KCNQ1: variants seen among roughly 807,000 people sequenced by gnomAD.
KCNQ1 encodes the protein potassium voltage-gated channel subfamily KQT member 1.
Under a neutral mutation model 72.4 loss-of-function variants are expected in KCNQ1, and 49 were observed. The ratio of observed to expected loss-of-function variants is 0.68; its 90% confidence interval spans 0.54 to 0.86. The LOEUF is 0.86. KCNQ1 is among the 40% of genes least tolerant of loss of function. The pLI is 0.00. For synonymous variants in KCNQ1, 450 were observed against 412.6 expected (o/e 1.09, Z -1.10); for missense variants, 790 against 945.1 (o/e 0.84, Z 2.15).
intron 15 of KCNQ1, among the ~76,000 whole-genome samples, chr11:2,825,345 C>T (rs941650248): frequency 1.3e-5 from 2 of 152,222 alleles, no homozygotes; most frequent in African/African-American, 2.4e-5. Context: ...TCCGAGCCCT[C>T]AGCCTGCTCA....
At chr11:2,539,707 G>A (rs956239845) in intron 2 of KCNQ1, among the ~76,000 whole-genome samples, 1 of 152,230 alleles carries the variant, frequency 6.6e-6, no homozygotes, top group Non-Finnish European at 1.5e-5. Flanking sequence ...ACAAAAGTCA[G>A]ACCTTGGTGG....
chr11:2,619,649 C>T (rs929585881), intron 10 of KCNQ1: 3 of 396,878 alleles, frequency 7.6e-6, no homozygotes, highest in African/African-American at 2.1e-5. Context: ...GCCTTTGGCT[C>T]ACCTGGGTAT....
At chr11:2,534,836 G>C (rs932398754) in intron 2 of KCNQ1, among the ~76,000 whole-genome samples, 7 of 152,248 alleles carry the variant, frequency 4.6e-5, no homozygotes, top group African/African-American at 1.4e-4. Flanking sequence ...TCTTTATTAA[G>C]CACCTACTGT....
chr11:2,452,986 C>A (rs1042499607), intron 1 of KCNQ1, among the ~76,000 whole-genome samples: 1 of 152,154 alleles, frequency 6.6e-6, no homozygotes, highest in Non-Finnish European at 1.5e-5. Flanking sequence ...CTAAAGAAAG[C>A]GCCTGGAATT....
At chr11:2,649,553 C>G (rs559117888) in intron 10 of KCNQ1, 1 of 398,530 alleles carries the variant, frequency 2.5e-6, no homozygotes, top group South Asian at 1.3e-4. Flanking sequence ...TGAAGGATAG[C>G]TTTGCTGGGT....
chr11:2,697,458 T>C (rs1850697022), intron 11 of KCNQ1: 1 of 398,500 alleles, frequency 2.5e-6, no homozygotes, highest in Non-Finnish European at 4.4e-6. Context: ...GATACACTTT[T>C]AATTTCTCTA....
chr11:2,449,867 C>T lies in KCNQ1; in HGVS notation c.386+4383C>T, dbSNP rs148128133. Among the ~76,000 whole-genome samples, 936 of 152,294 alleles carry T rather than the reference C, an allele frequency of 6.1e-3. 15 individuals carry two copies. The highest frequency in any genetic ancestry group is 0.021 in the African/African-American group (888 of 41,556). On this transcript the variant is annotated intron_variant, in intron 1 of 15. Transcript: ENST00000155840. ...CCAGTGTGATCCAGAGCTGCTCACACGAGCAAGCGTCCTCGAGTCCTAGGG... is the reference window on the plus strand; with the variant it reads ...CCAGTGTGATCCAGAGCTGCTCACATGAGCAAGCGTCCTCGAGTCCTAGGG...
chr11:2,688,413 A>G, intron 11 of KCNQ1: 1 of 398,746 alleles, frequency 2.5e-6, no homozygotes, highest in Non-Finnish European at 4.4e-6. Context: ...TCCTCTGTGT[A>G]GGCACTGGGC....
At chr11:2,552,757 G>T (rs1283058049) in intron 2 of KCNQ1, among the ~76,000 whole-genome samples, 1 of 151,582 alleles carries the variant, frequency 6.6e-6, no homozygotes, top group Non-Finnish European at 1.5e-5. Flanking sequence ...CACGAACACG[G>T]TCTCGCTCCC....
chr11:2,629,035 C>T (rs1364004149), intron 10 of KCNQ1: 1 of 398,036 alleles, frequency 2.5e-6, no homozygotes, highest in African/African-American at 2.1e-5. Context: ...ATATCTTTCA[C>T]TTTGTTCTTA....
chr11:2,573,989 G>C (rs1352817855), intron 6 of KCNQ1, among the ~76,000 whole-genome samples: 1 of 152,232 alleles, frequency 6.6e-6, no homozygotes, highest in East Asian at 1.9e-4. Context: ...GGCCTAGCTT[G>C]CCAGTGTCCC....
At chr11:2,636,969 G>A (rs1030240816) in intron 10 of KCNQ1, 2 of 152,160 alleles carry the variant, frequency 1.3e-5, no homozygotes, top group Admixed American at 6.5e-5. Context: ...TAGTTTATTT[G>A]CATAGAGGTG....
intron 15 of KCNQ1, among the ~76,000 whole-genome samples, chr11:2,822,167 G>A (rs1022889387): frequency 2.0e-5 from 3 of 152,174 alleles, no homozygotes; most frequent in Non-Finnish European, 4.4e-5. Context: ...AACCGGAGAA[G>A]GTGAGGAATG....
At chr11:2,575,154 G>A (rs539898192) in intron 6 of KCNQ1, among the ~76,000 whole-genome samples, 5 of 152,218 alleles carry the variant, frequency 3.3e-5, no homozygotes, top group East Asian at 3.9e-4. Flanking sequence ...GGCAGCGGAC[G>A]CTACTCCCCA....
intron 11 of KCNQ1, chr11:2,689,499 G>A (rs1850553416): frequency 2.5e-6 from 1 of 398,642 alleles, no homozygotes. Context: ...GAAGGTTTTG[G>A]GTCACCTTGT....
chr11:2,570,060 C>T (rs2133725561), intron 2 of KCNQ1, among the ~76,000 whole-genome samples: 1 of 152,310 alleles, frequency 6.6e-6, no homozygotes, highest in South Asian at 2.1e-4. Flanking sequence ...GGGGCTGGAT[C>T]TGGTGGGAAA....
Position 2,620,657 on chromosome 11 carries a change from G to T in KCNQ1, c.1393+31803G>T. 2.5e-6 allele frequency: 1 copy of T among 398,436 alleles called. No individual in the cohort carries two copies. The highest frequency in any genetic ancestry group is 4.4e-6 in the Non-Finnish European group (1 of 226,028). The allele number at this position is 398,436 out of a possible 1,614,324, so 24.7% of individuals were successfully genotyped here. A position where few individuals can be genotyped will look rare whatever the true frequency, so the allele number is the denominator to read the frequency against. On this transcript the variant is annotated intron_variant, in intron 10 of 15. Coordinates refer to ENST00000155840, the MANE Select transcript of KCNQ1 (RefSeq NM_000218.3). The surrounding 1 kb of genome is among the most constrained non-coding windows in gnomAD (Gnocchi z 4.5). ...ATAGTGCTGTGATGAACATACAAATGCATGTGTCTTTTTGATAGAACAATT... is the reference window on the plus strand; with the variant it reads ...ATAGTGCTGTGATGAACATACAAATTCATGTGTCTTTTTGATAGAACAATT...
chr11:2,680,256 C>T, intron 11 of KCNQ1: 3 of 397,636 alleles, frequency 7.5e-6, no homozygotes, highest in Non-Finnish European at 8.9e-6. Context: ...TATTCATATC[C>T]CATTGGCATT....
At chr11:2,757,293 G>T (rs1287493335) in intron 11 of KCNQ1, among the ~76,000 whole-genome samples, 2 of 152,078 alleles carry the variant, frequency 1.3e-5, no homozygotes, top group Non-Finnish European at 2.9e-5. Flanking sequence ...CAATGAACCT[G>T]TGAAAACCAA....
Sources: allele counts gnomAD v4.1 joint callset (sites outside exome capture counted in the v4.1 genomes callset), GRCh38; gene constraint gnomAD v4.1.1; non-coding constraint Gnocchi (gnomAD v3.1); transcripts MANE v1.5; gene names NCBI Gene and HGNC (gene_info 2026-07-23, HGNC 2026-07-21).